TTN: variants seen among roughly 807,000 people sequenced by gnomAD.
The protein encoded by TTN is connectin.
A neutral mutation model predicts 3,223.0 loss-of-function variants in TTN; 1,525 were observed. The ratio of observed to expected loss-of-function variants is 0.47; its 90% CI spans 0.45 to 0.49. The LOEUF (loss-of-function observed/expected upper bound fraction) is 0.49. Ranked by LOEUF, TTN falls within the 20% of genes least tolerant of loss-of-function variation. The pLI, the probability that TTN is intolerant of heterozygous loss-of-function variation, is 0.00. For missense variants in TTN, 40,786 were observed against 43,424.0 expected (o/e 0.94, Z 5.40); for synonymous variants, 14,094 against 15,161.0 (o/e 0.93, Z 5.17).
At position 178,593,673 on chromosome 2, in the gene TTN, T is replaced by C; in HGVS notation, c.58627A>G (p.Lys19543Glu). 6.2e-7 allele frequency: 1 copy of C among 1,613,334 alleles called. No homozygotes were observed. The highest frequency in any genetic ancestry group is 1.1e-5 in the South Asian group (1 of 91,064). Residue 19543 changes from lysine to glutamate, a missense_variant, in exon 298 of 363, where the codon AAA (lysine) becomes GAA (glutamate). Lys to Glu is a moderately conservative substitution (Grantham distance 56). Coordinates refer to ENST00000589042, the MANE Select transcript of TTN (RefSeq NM_001267550.2). ...ATATAATCTTTTCCTTCAAGTAGTT[T>C]AGAAACTTTGCATGTTGTTTTAGCA... ...ASAKTTCKVS[K>E]LLEGKDYIFR...
At chr2:178,612,013 C>A (rs1387656835) in intron 267 of TTN, 44 bp downstream of exon 267, 1 of 1,602,282 alleles carries the variant, frequency 6.2e-7, no homozygotes, top group African/African-American at 1.3e-5. Context: ...TAAGAATTTG[C>A]AGCCAAGTGT....
Position 178,549,206 on chromosome 2 carries a change from C to G in TTN, c.92420G>C (p.Ser30807Thr). The change falls in exon 339 of 363, where the codon AGT becomes ACT. Residue 30807 changes from serine to threonine, a missense_variant. Physicochemically the swap from Ser to Thr is moderately conservative, Grantham distance 58 (BLOSUM62 1). Transcript: ENST00000589042. ...ACATTTAATGAGTCTTGAGATGCCA[C>G]TTGCAGGTCCAACTCCTGCAGCATT... is the stretch of plus-strand genomic sequence containing the variant. ...AENAAGVGPA[S>T]GISRLIKCRE... is the part of the protein sequence containing the mutation. 5 of 1,613,856 alleles carry G rather than the reference C, an allele frequency of 3.1e-6. No individual in the cohort carries two copies. Among genetic ancestry groups the G allele is most frequent in the Non-Finnish European group, 4.2e-6 (5 of 1,179,828 alleles).
At chr2:178,748,607 G>A in intron 47 of TTN, 1 of 1,612,980 alleles carries the variant, frequency 6.2e-7, no homozygotes, top group Non-Finnish European at 8.5e-7. Context: ...AGCTTCTTCT[G>A]GTTGACCACT....
At chr2:178,642,409 T>C in intron 218 of TTN, 92 bp from the exon 219 acceptor site, 1 of 1,082,066 alleles carries the variant, frequency 9.2e-7, no homozygotes, top group South Asian at 1.5e-5. Context: ...TAGTTAACTG[T>C]AGTGCATTAA....
In TTN at chr2:178,536,800, A is replaced by C. The variant is rs1205951216; in HGVS notation, c.100171+138T>G. 1.1e-5 allele frequency: 10 copies of C among 877,440 alleles called. No homozygotes were observed. The East Asian group carries it at 2.7e-4, about 24-fold the overall frequency. The allele number at this position is 877,440 out of a possible 1,614,324, so 54.4% of individuals were successfully genotyped here. A position where few individuals can be genotyped will look rare whatever the true frequency, so the allele number is the denominator to read the frequency against. On this transcript the variant is annotated intron_variant, in intron 356 of 362. Coordinates refer to ENST00000589042, the MANE Select transcript of TTN (RefSeq NM_001267550.2). ...TCTCCTTTTAGATATGCAAACATTC[A>C]ATTAAAGTGAAAGAAAAGGCACTTG...
At position 178,632,291 on chromosome 2, in the gene TTN, G is replaced by A. The variant is rs12471771; in HGVS notation, c.43603C>T (p.Arg14535Cys). The A allele has an allele frequency of 5.5e-3, 8,774 of 1,609,396 alleles. 717 individuals carry two copies. The Admixed American group carries it at 0.14, about 26-fold the overall frequency. ...IRVKWFKNDQ[R>C]LHTTRSVSMQ... ...GAGACCGACCTGGTGGTGTGTAGGC[G>A]CTGGTCATTCTTGAACCATTTAACT... The change falls in exon 236 of 363, where the codon CGC becomes TGC. Residue 14535 changes from arginine (R) to cysteine (C), a missense_variant. By Grantham distance (180) the Arg-to-Cys change is radical (BLOSUM62 -3). Transcript: ENST00000589042.
In TTN at chr2:178,528,353, G is replaced by C; in HGVS notation, c.107298C>G (p.Val35766=). 1 of 1,613,970 alleles carries C rather than the reference G, an allele frequency of 6.2e-7. No individual in the cohort carries two copies. Among genetic ancestry groups the C allele is most frequent in the African/African-American group, 1.3e-5 (1 of 75,050 alleles). ...VYSLEIRNAS[V]SDSGKYTIKA... ...TAATTGTGTACTTTCCACTGTCGCT[G>C]ACTGATGCATTTCGGATTTCAAGGG... is the stretch of plus-strand genomic sequence containing the variant. Residue 35766 remains valine (V), a synonymous_variant, in exon 361 of 363, where the codon GTC becomes GTG. Coordinates refer to ENST00000589042, the MANE Select transcript of TTN (RefSeq NM_001267550.2).
At chr2:178,689,027 T>TTAATA in intron 125 of TTN, 26 bp downstream of exon 125, 1 of 1,131,070 alleles carries the variant, frequency 8.8e-7, no homozygotes, top group Non-Finnish European at 1.2e-6. Context: ...TTTTTTTTTT[T>TTAATA]GTCAGAGGAT....
chr2:178,756,661 T>A lies in TTN; in HGVS notation c.10815A>T (p.Ser3605=). Reference sequence around the variant, plus strand: ...CAAAAACCTGCACTTCATATTCATATGATGATCCTTGAAATGACTTAATTT... The same window carrying A: ...CAAAAACCTGCACTTCATATTCATAAGATGATCCTTGAAATGACTTAATTT... ...QKEIKSFQGS[S]YEYEVQVFES... The change falls in exon 46 of 363, where the codon TCA becomes TCT. Residue 3605 remains serine, a synonymous_variant. Coordinates refer to ENST00000589042, the MANE Select transcript of TTN (RefSeq NM_001267550.2). 6.2e-7 allele frequency: 1 copy of A among 1,613,886 alleles called. No homozygotes were observed.
chr2:178,788,326 A>G (rs1227926597), intron 13 of TTN, among the ~76,000 whole-genome samples: 4 of 152,104 alleles, frequency 2.6e-5, no homozygotes, highest in African/African-American at 4.8e-5. Context: ...ATCCTTAGCT[A>G]ATTTTTAACA....
rs570367600 is a variant in TTN, at chr2:178,718,066, A to G, written c.24940T>C (p.Phe8314Leu). 22 of 1,613,666 alleles carry G rather than the reference A, an allele frequency of 1.4e-5. 1 individual carries two copies. In the South Asian group the frequency reaches 2.2e-4, roughly 16 times the overall value. The stretch of plus-strand genomic sequence containing the variant: ...ACTAAGGAAGCAACGTTATTTTTGA[A>G]TTGCATTTTATATGCAGGAGCTGAT... Reference protein sequence around the residue: ...LRSAPAYKMQFKNNVASLVIN... With the variant: ...LRSAPAYKMQLKNNVASLVIN... The change falls in exon 86 of 363, where the codon TTC becomes CTC. Residue 8314 changes from phenylalanine (F) to leucine (L), a missense_variant. Coordinates refer to ENST00000589042, the MANE Select transcript of TTN (RefSeq NM_001267550.2).
intron 120 of TTN, 142 bp downstream of exon 120, chr2:178,692,355 C>T (rs532327786): frequency 8.5e-6 from 8 of 939,040 alleles, no homozygotes; most frequent in Middle Eastern, 3.2e-4. Context: ...TAACACATCA[C>T]CACAAATAAA....
chr2:178,705,216 A>C lies in TTN; in HGVS notation c.29562T>G (p.Phe9854Leu). 6.2e-7 allele frequency: 1 copy of C among 1,613,772 alleles called. No homozygotes were observed. Residue 9854 changes from phenylalanine (F) to leucine (L), a missense_variant, in exon 103 of 363, where the codon TTT becomes TTG. Coordinates refer to ENST00000589042, the MANE Select transcript of TTN (RefSeq NM_001267550.2). ...ITDFRGLLQA[F>L]ELLKQSQEEE... The stretch of plus-strand genomic sequence containing the variant: ...CTTCTTGGCTTTGCTTGAGCAGTTC[A>C]AATGCTTGAAGAAGACCTCGGAAGT...
chr2:178,539,921 A>G lies in TTN; in HGVS notation c.98144T>C (p.Phe32715Ser). The G allele has an allele frequency of 6.2e-7, 1 of 1,613,814 alleles. No homozygotes were observed. Among genetic ancestry groups the G allele is most frequent in the Admixed American group, 1.7e-5 (1 of 60,010 alleles). ...ELDERYQEGIFVRQGGVIRLT... is the reference protein window; with the variant it reads ...ELDERYQEGISVRQGGVIRLT... Reference sequence around the variant, plus strand: ...TCTGATGACGCCACCTTGCCTTACAAAGATACCTTCTTGGTATCTTTCATC... The same window carrying G: ...TCTGATGACGCCACCTTGCCTTACAGAGATACCTTCTTGGTATCTTTCATC... Residue 32715 changes from phenylalanine (F) to serine (S), a missense_variant, in exon 352 of 363, where the codon TTT becomes TCT. Physicochemically the swap from Phe to Ser is radical, Grantham distance 155 (BLOSUM62 -2). Coordinates refer to ENST00000589042, the MANE Select transcript of TTN (RefSeq NM_001267550.2).
At position 178,667,475 on chromosome 2, in the gene TTN, T is replaced by G. The variant is rs2066169801; in HGVS notation, c.35680A>C (p.Ile11894Leu). The change falls in exon 161 of 363, where the codon ATT becomes CTT. Residue 11894 changes from isoleucine (I) to leucine (L), a missense_variant. By Grantham distance (5) the Ile-to-Leu change is conservative (BLOSUM62 2). Coordinates refer to ENST00000589042, the MANE Select transcript of TTN (RefSeq NM_001267550.2). ...GCTGGTGTTTCTCTCTTTTTAGGAATAGTCACATATATTTTGTCTTCTGGA... is the reference window on the plus strand; with the variant it reads ...GCTGGTGTTTCTCTCTTTTTAGGAAGAGTCACATATATTTTGTCTTCTGGA... The part of the protein sequence containing the change: ...VVPEDKIYVT[I>L]PKKRETPATK... 3 of 1,599,934 alleles carry G rather than the reference T, an allele frequency of 1.9e-6. No homozygotes were observed. The highest frequency in any genetic ancestry group is 2.7e-5 in the African/African-American group (2 of 74,882).
Position 178,614,926 on chromosome 2 carries a change from G to T in TTN, c.48681C>A (p.Tyr16227Ter). Residue 16227 changes from tyrosine to a stop codon, truncating the protein, a stop_gained, in exon 260 of 363, where the codon TAC (tyrosine) becomes TAA (stop). Transcript: ENST00000589042. LOFTEE classifies it high-confidence loss of function. ...CCTGCCTGTTTAAGGCCTTCACGCG[G>T]TAGGCATACCATTTGCCTTCCTCAA... ...TGLEEGKWYA[Y>*]RVKALNRQGA... The T allele has an allele frequency of 6.3e-7, 1 of 1,593,984 alleles. No homozygotes were observed. Among genetic ancestry groups the T allele is most frequent in the Admixed American group, 1.7e-5 (1 of 57,306 alleles).
At position 178,589,451 on chromosome 2, in the gene TTN, C is replaced by T. The variant is rs1313786414; in HGVS notation, c.62274G>A (p.Glu20758=). ...GTAAGTCTTCTTTCACAACAACTTC[C>T]TCTGTCTTCACCCAGTCACTTTCCC... ...EGGESDWVKT[E]EVVVKEDLQK... Residue 20758 remains glutamate, a synonymous_variant, in exon 304 of 363, where the codon GAG becomes GAA. Transcript: ENST00000589042. 3.7e-6 allele frequency: 6 copies of T among 1,613,266 alleles called. No individual in the cohort carries two copies. Among genetic ancestry groups the T allele is most frequent in the African/African-American group, 1.3e-5 (1 of 74,902 alleles).
chr2:178,667,615 A>C, intron 160 of TTN, 23 bp downstream of exon 160: 1 of 1,585,160 alleles, frequency 6.3e-7, no homozygotes, highest in Non-Finnish European at 8.5e-7. Context: ...TTTTCTTCAG[A>C]GTGGATCATT....
chr2:178,786,755 A>G (rs1225813689), intron 13 of TTN, among the ~76,000 whole-genome samples: 1 of 152,234 alleles, frequency 6.6e-6, no homozygotes, highest in African/African-American at 2.4e-5. Context: ...AAACACACAG[A>G]TGACAAAGAG....
Sources: allele counts gnomAD v4.1 joint callset (sites outside exome capture counted in the v4.1 genomes callset), GRCh38; gene constraint gnomAD v4.1.1; transcripts MANE v1.5; gene names NCBI Gene and HGNC (gene_info 2026-07-23, HGNC 2026-07-21).